Variants in KLRG1 observed in about 807,000 individuals in gnomAD.
The protein encoded by KLRG1 is killer cell lectin-like receptor subfamily G member 1.
Under a neutral mutation model 21.8 loss-of-function variants are expected in KLRG1, and 16 were observed. The ratio of observed to expected loss-of-function variants is 0.73; its 90% CI spans 0.50 to 1.11. The LOEUF (loss-of-function observed/expected upper bound fraction) is 1.11. Ranked by LOEUF, KLRG1 falls within the 50% of genes most tolerant of loss-of-function variation. The pLI is 0.00. For missense variants in KLRG1, 173 were observed against 218.3 expected (o/e 0.79, Z 1.31); for synonymous variants, 69 against 75.9 (o/e 0.91, Z 0.47).
At chr12:9,161,102 C>G in the KLRG1 span, 1 of 1,589,980 alleles carries the variant, frequency 6.3e-7, no homozygotes, top group Middle Eastern at 1.7e-4. Flanking sequence ...GACAACTGCT[C>G]AGACACATTA....
chr12:9,032,305 T>G, the KLRG1 span, among the ~76,000 whole-genome samples: 1 of 152,164 alleles, frequency 6.6e-6, no homozygotes, highest in South Asian at 2.1e-4. Context: ...TACAGGACTT[T>G]CCAAACTGGT....
chr12:9,099,286 C>T, the KLRG1 span: 1 of 1,193,716 alleles, frequency 8.4e-7, no homozygotes, highest in South Asian at 1.4e-5. Context: ...TTTGTTTAAC[C>T]CTTTTGGCCC....
At chr12:9,116,053 C>A in the KLRG1 span, 1 of 592,894 alleles carries the variant, frequency 1.7e-6, no homozygotes, top group Non-Finnish European at 3.1e-6. Flanking sequence ...TATTTATAGT[C>A]AAGGTTAATT....
intron 3 of KLRG1, among the ~76,000 whole-genome samples, chr12:9,000,968 A>G (rs1022848460): frequency 1.3e-5 from 2 of 152,224 alleles, no homozygotes; most frequent in Non-Finnish European, 2.9e-5. Flanking sequence ...ATTAAGCTCT[A>G]GTAATTTGTA....
At chr12:9,044,627 A>G in the KLRG1 span, among the ~76,000 whole-genome samples, 2 of 152,036 alleles carry the variant, frequency 1.3e-5, no homozygotes, top group East Asian at 3.9e-4. Flanking sequence ...AGATCACCCT[A>G]TTGCACTCCA....
chr12:9,196,853 C>T, the KLRG1 span, among the ~76,000 whole-genome samples: 1 of 152,124 alleles, frequency 6.6e-6, no homozygotes, highest in African/African-American at 2.4e-5. Context: ...CAAAGTTAGT[C>T]GTCCAAATGA....
chr12:8,995,410 G>A, intron 3 of KLRG1, 122 bp downstream of exon 3: 1 of 833,706 alleles, frequency 1.2e-6, no homozygotes, highest in Non-Finnish European at 1.8e-6. Context: ...TGATTTGGGG[G>A]GGATACTATA....
the KLRG1 span, among the ~76,000 whole-genome samples, chr12:9,197,919 T>G: frequency 7.8e-6 from 1 of 128,660 alleles, no homozygotes; most frequent in Non-Finnish European, 1.6e-5. Flanking sequence ...ATATTATATA[T>G]TATATAAGTT....
chr12:9,103,155 TG>T, the KLRG1 span, among the ~76,000 whole-genome samples: 2 of 152,134 alleles, frequency 1.3e-5, no homozygotes, highest in Non-Finnish European at 2.9e-5. Context: ...TAAAACTAAA[TG>T]CTAATTATGT....
At chr12:9,046,373 C>T in the KLRG1 span, among the ~76,000 whole-genome samples, 5 of 152,074 alleles carry the variant, frequency 3.3e-5, no homozygotes, top group African/African-American at 1.2e-4. Flanking sequence ...CCAAAATTAC[C>T]AACAGACACC....
At chr12:9,178,659 G>A in the KLRG1 span, among the ~76,000 whole-genome samples, 16 of 152,162 alleles carry the variant, frequency 1.1e-4, no homozygotes, top group Non-Finnish European at 1.6e-4. Context: ...CAAAAATTAT[G>A]GCTACAGCAC....
chr12:9,165,529 T>A, the KLRG1 span, among the ~76,000 whole-genome samples: 2 of 152,202 alleles, frequency 1.3e-5, no homozygotes, highest in African/African-American at 4.8e-5. Flanking sequence ...GGGATCTGAG[T>A]TGGGAAAATG....
chr12:9,062,911 G>A, the KLRG1 span, among the ~76,000 whole-genome samples: 1 of 151,602 alleles, frequency 6.6e-6, no homozygotes, highest in Admixed American at 6.6e-5. Context: ...TACTACTAAC[G>A]GCTTAGGGTA....
At chr12:9,127,733 G>A in the KLRG1 span, 281 of 165,064 alleles carry the variant, frequency 1.7e-3, 3 homozygotes, top group East Asian at 0.013. Context: ...CTGCAGGTCC[G>A]ACAGGCTGCT....
At chr12:9,185,919 T>C in the KLRG1 span, among the ~76,000 whole-genome samples, 1 of 151,802 alleles carries the variant, frequency 6.6e-6, no homozygotes, top group South Asian at 2.1e-4. Context: ...ACAGTTCTCC[T>C]GCCTCAGCCT....
At chr12:9,200,370 CA>C in the KLRG1 span, 1 of 1,601,866 alleles carries the variant, frequency 6.2e-7, no homozygotes, top group African/African-American at 1.3e-5. Flanking sequence ...TCACTCTCCA[CA>C]GACTGTTATG....
At chr12:9,098,471 C>G in the KLRG1 span, 3 of 875,548 alleles carry the variant, frequency 3.4e-6, no homozygotes, top group Non-Finnish European at 4.8e-6. Context: ...AATGAAAGCC[C>G]ACAAGAGAGC....
the KLRG1 span, chr12:9,074,848 AC>A: frequency 6.7e-7 from 1 of 1,489,526 alleles, no homozygotes; most frequent in Admixed American, 2.0e-5. Context: ...AGGTGAAAGT[AC>A]CCAAGCCAGT....
the KLRG1 span, chr12:9,067,813 C>T: frequency 9.9e-6 from 16 of 1,612,684 alleles, no homozygotes; most frequent in Non-Finnish European, 1.4e-5. Flanking sequence ...ACTTTTCAGC[C>T]TTGTGGTCTT....
Sources: allele counts gnomAD v4.1 joint callset (sites outside exome capture counted in the v4.1 genomes callset), GRCh38; gene constraint gnomAD v4.1.1; transcripts MANE v1.5; gene names NCBI Gene and HGNC (gene_info 2026-07-23, HGNC 2026-07-21).